The following ALDH3A1 variants were observed in gnomAD, a reference collection of about 807,000 sequenced individuals.
The protein encoded by ALDH3A1 is aldehyde dehydrogenase, dimeric NADP-preferring.
In ALDH3A1, 46 loss-of-function variants were observed where a neutral mutation model predicts 49.9. The ratio of observed to expected loss-of-function variants is 0.92; its 90% CI spans 0.73 to 1.18. The LOEUF (loss-of-function observed/expected upper bound fraction) is 1.18, where lower values mean the gene tolerates loss of function less well. Among genes scored for constraint, ALDH3A1 ranks in the 50% most tolerant of loss-of-function variants. ALDH3A1 has a pLI of 0.00. For missense variants in ALDH3A1, 592 were observed against 611.8 expected (o/e 0.97, Z 0.34); for synonymous variants, 269 against 253.3 (o/e 1.06, Z -0.59).
chr17:19,746,660 T>TGTGTGTGC (rs1309741048), intron 1 of ALDH3A1, among the ~76,000 whole-genome samples: 10 of 146,980 alleles, frequency 6.8e-5, no homozygotes, highest in Admixed American at 3.4e-4. Flanking sequence ...TGTGCATGTG[T>TGTGTGTGC]GTGTGTGCGT....
chr17:19,746,346 T>C (rs1351322668), intron 1 of ALDH3A1, among the ~76,000 whole-genome samples: 5 of 152,080 alleles, frequency 3.3e-5, no homozygotes, highest in African/African-American at 7.2e-5. Context: ...TGGGCCGAGA[T>C]TGGGCCATTG....
chr17:19,741,075 C>T lies in ALDH3A1; in HGVS notation c.807+18G>A. 1 of 1,604,224 alleles carries T rather than the reference C, an allele frequency of 6.2e-7. No individual in the cohort carries two copies. Among genetic ancestry groups the T allele is most frequent in the Admixed American group, 1.7e-5 (1 of 60,006 alleles). On this transcript the variant is annotated intron_variant, in intron 6 of 10. Transcript: ENST00000225740. ...CTTACAGCCTCTCATCCCACCCTGC[C>T]AAGGGGTCAACACTCACTTTCAGTG...
Position 19,745,015 on chromosome 17 carries a change from C to A in ALDH3A1, c.115G>T (p.Glu39Ter). The change falls in exon 2 of 11, where the codon GAG (glutamate) becomes TAG (stop). Residue 39 changes from glutamate (E) to a stop codon, truncating the protein, a stop_gained. Coordinates refer to ENST00000225740, the MANE Select transcript of ALDH3A1 (RefSeq NM_000691.5). LOFTEE classifies it high-confidence loss of function. ...QLEALQRLIQ[E>*]QEQELVGALA... Reference sequence around the variant, plus strand: ...GCGCCCACCAGCTCCTGCTCCTGCTCCTGGATCAGGCGCTGCAGCGCCTCC... The same window carrying A: ...GCGCCCACCAGCTCCTGCTCCTGCTACTGGATCAGGCGCTGCAGCGCCTCC... The A allele has an allele frequency of 6.3e-7, 1 of 1,593,738 alleles. No individual in the cohort carries two copies. The highest frequency in any genetic ancestry group is 1.3e-5 in the African/African-American group (1 of 74,456).
In ALDH3A1 at chr17:19,742,153, C is replaced by T; in HGVS notation, c.540G>A (p.Arg180=). Residue 180 remains arginine (R), a synonymous_variant, in exon 5 of 11, where the codon AGG becomes AGA. Coordinates refer to ENST00000225740, the MANE Select transcript of ALDH3A1 (RefSeq NM_000691.5). The part of the protein sequence containing the change: ...VPETTELLKE[R]FDHILYTGST... ...TGCCCGTGTACAGGATATGGTCGAA[C>T]CTCTCCTTGAGCAGCTCCGTGGTCT... The T allele has an allele frequency of 6.2e-7, 1 of 1,614,082 alleles. No homozygotes were observed. Among genetic ancestry groups the T allele is most frequent in the South Asian group, 1.1e-5 (1 of 91,084 alleles).
intron 1 of ALDH3A1, among the ~76,000 whole-genome samples, chr17:19,747,652 G>T (rs914109740): frequency 6.6e-6 from 1 of 152,014 alleles, no homozygotes; most frequent in Non-Finnish European, 1.5e-5. Context: ...CACCCAAATG[G>T]GAGCTGCTGC....
At chr17:19,741,035 A>G in intron 6 of ALDH3A1, 58 bp downstream of exon 6, 1 of 1,333,900 alleles carries the variant, frequency 7.5e-7, no homozygotes, top group Non-Finnish European at 1.1e-6. Context: ...TTAAGGGGCC[A>G]GGCCCCCCTT....
chr17:19,742,247 G>A, intron 4 of ALDH3A1, 35 bp from the exon 5 acceptor site: 1 of 1,582,706 alleles, frequency 6.3e-7, no homozygotes, highest in Non-Finnish European at 8.7e-7. Context: ...GCTCAGCAAA[G>A]ACCAAGCCCC....
In ALDH3A1 at chr17:19,743,212, C is replaced by T. The variant is rs764747434; in HGVS notation, c.394+20G>A. On this transcript the variant is annotated intron_variant, in intron 3 of 10. Coordinates refer to ENST00000225740, the MANE Select transcript of ALDH3A1 (RefSeq NM_000691.5). This position sits in a 1 kb window ranked among gnomAD's most constrained non-coding sequence, Gnocchi z 4.4. ...GGGGGACGGTGCTCCCCCAGCTTCC[C>T]TTCCCACAGGGCCATGCACCTGCAG... 2.5e-6 allele frequency: 4 copies of T among 1,612,888 alleles called. No individual in the cohort carries two copies.
At chr17:19,738,920 C>CCA in intron 9 of ALDH3A1, 76 bp downstream of exon 9, 1 of 1,335,874 alleles carries the variant, frequency 7.5e-7, no homozygotes. Flanking sequence ...AGGAGGTGGT[C>CCA]CCTCCTGAAT....
chr17:19,744,909 C>CCT, intron 2 of ALDH3A1, 59 bp downstream of exon 2: 1 of 1,010,210 alleles, frequency 9.9e-7, no homozygotes, highest in Non-Finnish European at 1.3e-6. Flanking sequence ...CAGCCCCTCC[C>CCT]CCCACGCCCC....
rs987057308 is a variant in ALDH3A1, at chr17:19,742,981, C to T, written c.394+251G>A. On this transcript the variant is annotated intron_variant, in intron 3 of 10. Transcript: ENST00000225740. Reference sequence around the variant, plus strand: ...CCTGATGCATATTAGGTGACAGAAGCTCCAGCCCCCCAACAGGGGTGGGGG... The same window carrying T: ...CCTGATGCATATTAGGTGACAGAAGTTCCAGCCCCCCAACAGGGGTGGGGG... 1.1e-5 allele frequency: 17 copies of T among 1,528,696 alleles called. No individual in the cohort carries two copies. In the African/African-American group the frequency reaches 2.2e-4, roughly 20 times the overall value. 94.7% of individuals were successfully genotyped at this position (1,528,696 alleles called of 1,614,324 possible). A position where few individuals can be genotyped will look rare whatever the true frequency, so the allele number is the denominator to read the frequency against.
chr17:19,747,673 G>A (rs912686789), intron 1 of ALDH3A1, among the ~76,000 whole-genome samples: 4 of 152,076 alleles, frequency 2.6e-5, no homozygotes, highest in Non-Finnish European at 4.4e-5. Flanking sequence ...AGCATGCACT[G>A]GGGGCCTCCC....
chr17:19,745,859 A>G (rs2086588706), intron 1 of ALDH3A1, among the ~76,000 whole-genome samples: 1 of 152,278 alleles, frequency 6.6e-6, no homozygotes, highest in Non-Finnish European at 1.5e-5. Flanking sequence ...AAGGTCCTAC[A>G]GCCTTTCCTA....
At position 19,739,513 on chromosome 17, in the gene ALDH3A1, C is replaced by T. The variant is rs149835317; in HGVS notation, c.1111G>A (p.Asp371Asn). ...ACCCCAGGCCCACCACCCACCTTGT[C>T]GTTGCTGGAGAACATGTAGAGGGCC... ...PLALYMFSSNDKVIKKMIAET... is the reference protein window; with the variant it reads ...PLALYMFSSNNKVIKKMIAET... Residue 371 changes from aspartate to asparagine, a missense_variant, in exon 8 of 11, where the codon GAC (aspartate) becomes AAC (asparagine). Physicochemically the swap from Asp to Asn is conservative, Grantham distance 23 (BLOSUM62 1). Transcript: ENST00000225740. 43 of 1,609,078 alleles carry T rather than the reference C, an allele frequency of 2.7e-5. No individual in the cohort carries two copies. The highest frequency in any genetic ancestry group is 3.3e-4 in the Middle Eastern group (2 of 5,982).
chr17:19,743,870 T>G lies in ALDH3A1; in HGVS notation c.163-407A>C, dbSNP rs1597673641. On this transcript the variant is annotated intron_variant, in intron 2 of 10. Coordinates refer to ENST00000225740, the MANE Select transcript of ALDH3A1 (RefSeq NM_000691.5). The surrounding 1 kb of genome is among the most constrained non-coding windows in gnomAD (Gnocchi z 4.4). ...CACTGGGAGCTGGATCCGGGCAGGG[T>G]GGAGGGAGCCAGGCCCTTTAGTTGT... The G allele has an allele frequency of 3.1e-6, 3 of 980,846 alleles. No individual in the cohort carries two copies. The highest frequency in any genetic ancestry group is 3.6e-6 in the Non-Finnish European group (3 of 828,718). The allele number at this position is 980,846 out of a possible 1,614,324, so 60.8% of individuals were successfully genotyped here. A position where few individuals can be genotyped will look rare whatever the true frequency, so the allele number is the denominator to read the frequency against.
At chr17:19,746,736 CGTGTGTGTGT>C (rs908264641) in intron 1 of ALDH3A1, among the ~76,000 whole-genome samples, 1 of 150,478 alleles carries the variant, frequency 6.6e-6, no homozygotes, top group Non-Finnish European at 1.5e-5. Flanking sequence ...CGCGCGTGTG[CGTGTGTGTGT>C]GGGCGTGCAC....
rs1222047433 is a variant in ALDH3A1, at chr17:19,748,116, G to A, written c.-6+143C>T. On this transcript the variant is annotated intron_variant, in intron 1 of 10. Transcript: ENST00000225740. This position sits in a 1 kb window ranked among gnomAD's most constrained non-coding sequence, Gnocchi z 4.4. ...GATGGCAGAGCTGCCAGAGGTCCAG[G>A]AGGATGCTCCAGAGATGATGGTCCC... 1 of 296,288 alleles carries A rather than the reference G, an allele frequency of 3.4e-6. No homozygotes were observed. The highest frequency in any genetic ancestry group is 6.9e-6 in the Non-Finnish European group (1 of 144,552). The allele number at this position is 296,288 out of a possible 1,614,324, so 18.4% of individuals were successfully genotyped here.
In ALDH3A1 at chr17:19,741,206, T is replaced by C; in HGVS notation, c.694A>G (p.Ile232Val). Residue 232 changes from isoleucine (I) to valine (V), a missense_variant, in exon 6 of 11, where the codon ATC becomes GTC. Coordinates refer to ENST00000225740, the MANE Select transcript of ALDH3A1 (RefSeq NM_000691.5). ...CTGTTCATGAATTTCCCCCAGGCGA[T>C]GCGTCTGTGAGAATCCCAGACTGGA... is the stretch of plus-strand genomic sequence containing the variant. The part of the protein sequence containing the change: ...NCDLDVACRR[I>V]AWGKFMNSGQ... The C allele has an allele frequency of 1.2e-6, 2 of 1,613,668 alleles. No homozygotes were observed. The highest frequency in any genetic ancestry group is 1.7e-6 in the Non-Finnish European group (2 of 1,179,714).
chr17:19,745,051 T>TCCGGAACTGCAGCGGA lies in ALDH3A1; in HGVS notation c.63_78dup (p.Ile27SerfsTer35). 6.3e-7 allele frequency: 1 copy of TCCGGAACTGCAGCGGA among 1,597,736 alleles called. No individual in the cohort carries two copies. The highest frequency in any genetic ancestry group is 8.5e-7 in the Non-Finnish European group (1 of 1,179,052). Reference sequence around the variant, plus strand: ...CGCTGCAGCGCCTCCAGCTGCTGGATCCGGAACTGCAGCGGACGGGTCCTG... The same window carrying TCCGGAACTGCAGCGGA: ...CGCTGCAGCGCCTCCAGCTGCTGGATCCGGAACTGCAGCGGACCGGAACTGCAGCGGACGGGTCCTG... On this transcript the variant is annotated frameshift_variant, in exon 2 of 11. Coordinates refer to ENST00000225740, the MANE Select transcript of ALDH3A1 (RefSeq NM_000691.5). LOFTEE classifies it high-confidence loss of function.
Sources: gnomAD v4.1 joint callset for allele counts (sites outside exome capture counted in the v4.1 genomes callset) on GRCh38, gnomAD v4.1.1 for gene constraint, Gnocchi (gnomAD v3.1) non-coding constraint, MANE v1.5 for transcripts, NCBI Gene and HGNC (gene_info 2026-07-23, HGNC 2026-07-21) for gene names.